Variants in DENND1B observed in about 807,000 individuals in gnomAD.
The protein encoded by DENND1B is DENN domain containing 1B.
DENND1B carries 59 observed loss-of-function variants against 90.1 expected under a neutral mutation model. The observed-to-expected ratio is 0.65, with a 90% CI of 0.53 to 0.81. The LOEUF is 0.81. DENND1B is among the 40% of genes least tolerant of loss of function. The pLI is 0.00. For synonymous variants in DENND1B, 337 were observed against 324.6 expected, an observed-to-expected ratio of 1.04 and a Z score of -0.41; for missense variants, 862 against 912.6, an observed-to-expected ratio of 0.94 and a Z score of 0.71.
chr1:197,544,929 GAA>G (rs1482874593), intron 18 of DENND1B, among the ~76,000 whole-genome samples: 5 of 55,062 alleles, frequency 9.1e-5, no homozygotes, highest in African/African-American at 3.2e-4. Flanking sequence ...GAAGAAAAGA[GAA>G]GAAGAAGAAG....
At chr1:197,537,234 G>A (rs902197155) in intron 20 of DENND1B, among the ~76,000 whole-genome samples, 1 of 152,088 alleles carries the variant, frequency 6.6e-6, no homozygotes, top group Non-Finnish European at 1.5e-5. Flanking sequence ...AAACATGTAT[G>A]TTTAATCAAT....
chr1:197,774,234 T>C (rs1017864092), intron 1 of DENND1B, among the ~76,000 whole-genome samples: 1 of 152,232 alleles, frequency 6.6e-6, no homozygotes. Context: ...CCTAATATTC[T>C]TTAGAATTTC....
chr1:197,631,446 A>T (rs757781439), intron 10 of DENND1B, among the ~76,000 whole-genome samples: 3 of 152,080 alleles, frequency 2.0e-5, no homozygotes, highest in Non-Finnish European at 2.9e-5. Context: ...CTCTAATTTT[A>T]GAAGGTATTA....
intron 15 of DENND1B, among the ~76,000 whole-genome samples, chr1:197,557,463 C>T (rs1671807243): frequency 6.6e-6 from 1 of 151,814 alleles, no homozygotes; most frequent in African/African-American, 2.4e-5. Context: ...ACTGATTATG[C>T]ATTTTTGAGT....
intron 2 of DENND1B, among the ~76,000 whole-genome samples, chr1:197,719,993 C>T (rs1661006342): frequency 6.6e-6 from 1 of 152,108 alleles, no homozygotes; most frequent in Non-Finnish European, 1.5e-5. Context: ...ATGAATAACA[C>T]AATGCTTTCT....
chr1:197,636,844 G>A (rs1203085863), intron 10 of DENND1B, among the ~76,000 whole-genome samples: 1 of 152,062 alleles, frequency 6.6e-6, no homozygotes, highest in South Asian at 2.1e-4. Context: ...GATGTAGGTG[G>A]GGAAAACAGA....
intron 15 of DENND1B, among the ~76,000 whole-genome samples, chr1:197,565,860 G>A (rs921138084): frequency 1.3e-5 from 2 of 148,974 alleles, no homozygotes; most frequent in Admixed American, 6.7e-5. Context: ...TGGTGTATAT[G>A]TGCCACATTT....
chr1:197,677,912 T>G (rs1192761870), intron 3 of DENND1B, among the ~76,000 whole-genome samples: 1 of 152,200 alleles, frequency 6.6e-6, no homozygotes, highest in Non-Finnish European at 1.5e-5. Context: ...CAGCTATCTC[T>G]ACTCATGATC....
chr1:197,756,364 C>A (rs1654286816), intron 2 of DENND1B, among the ~76,000 whole-genome samples: 1 of 152,056 alleles, frequency 6.6e-6, no homozygotes, highest in Non-Finnish European at 1.5e-5. Context: ...CACTTGAGGT[C>A]AGGAGTTCAA....
At chr1:197,568,071 G>T (rs1672839083) in intron 15 of DENND1B, among the ~76,000 whole-genome samples, 1 of 150,588 alleles carries the variant, frequency 6.6e-6, no homozygotes, top group Non-Finnish European at 1.5e-5. Flanking sequence ...AGGGAGGGAG[G>T]GAAATTGTTT....
intron 3 of DENND1B, among the ~76,000 whole-genome samples, chr1:197,685,278 T>C (rs1291822581): frequency 2.0e-5 from 3 of 152,198 alleles, no homozygotes; most frequent in East Asian, 1.9e-4. Flanking sequence ...GACTATTTCA[T>C]CTTAAGCTCA....
At chr1:197,593,819 A>G (rs1470830986) in intron 14 of DENND1B, among the ~76,000 whole-genome samples, 2 of 152,150 alleles carry the variant, frequency 1.3e-5, no homozygotes, top group Non-Finnish European at 2.9e-5. Flanking sequence ...AAGTAAAGTG[A>G]TATTTTTAAC....
intron 6 of DENND1B, among the ~76,000 whole-genome samples, chr1:197,657,122 A>G (rs1325096752): frequency 6.6e-6 from 1 of 152,180 alleles, no homozygotes; most frequent in Admixed American, 6.5e-5. Context: ...CAAAAGAACA[A>G]AAAGGCAGGC....
Position 197,730,809 on chromosome 1 carries a change from T to C in DENND1B, c.83-15735A>G, listed in dbSNP as rs184899952. 3.3e-5 allele frequency among the ~76,000 whole-genome samples: 5 copies of C among 152,154 alleles called. No homozygotes were observed. The East Asian group carries it at 5.8e-4, about 18-fold the overall frequency. On this transcript the variant is annotated intron_variant, in intron 2 of 22. Transcript: ENST00000620048. ...ATTATTAAACCTGTTTCCTTGACCTTAAGAACTTTTAAAAAAATAAGTTAG... is the reference window on the plus strand; with the variant it reads ...ATTATTAAACCTGTTTCCTTGACCTCAAGAACTTTTAAAAAAATAAGTTAG...
chr1:197,586,108 A>G (rs1340021016), intron 14 of DENND1B, among the ~76,000 whole-genome samples: 2 of 152,184 alleles, frequency 1.3e-5, no homozygotes, highest in Non-Finnish European at 2.9e-5. Flanking sequence ...TTTTCATAAT[A>G]ATGTAAGTCA....
At chr1:197,606,593 A>G (rs968750200) in intron 13 of DENND1B, 1 of 151,380 alleles carries the variant, frequency 6.6e-6, no homozygotes, top group Non-Finnish European at 1.5e-5. Flanking sequence ...TCTGACCCCA[A>G]CTGTACAAGC....
chr1:197,607,612 TAA>T (rs1452758472), intron 12 of DENND1B, among the ~76,000 whole-genome samples: 2 of 150,706 alleles, frequency 1.3e-5, no homozygotes, highest in Non-Finnish European at 3.0e-5. Flanking sequence ...AACTATAATT[TAA>T]ATTTTTTGTC....
intron 7 of DENND1B, among the ~76,000 whole-genome samples, chr1:197,651,846 G>A (rs1201721434): frequency 6.6e-6 from 1 of 151,422 alleles, no homozygotes; most frequent in African/African-American, 2.4e-5. Context: ...TAGTAGAGAT[G>A]GGGTTTCACC....
At chr1:197,762,174 AAATCCAATAAAC>A (rs1655137834) in intron 2 of DENND1B, among the ~76,000 whole-genome samples, 2 of 152,240 alleles carry the variant, frequency 1.3e-5, no homozygotes, top group Admixed American at 6.5e-5. Context: ...TAAAAGCCTG[AAATCCAATAAAC>A]AACATAAATC....
Sources: gnomAD v4.1 joint callset for allele counts (sites outside exome capture counted in the v4.1 genomes callset) on GRCh38, gnomAD v4.1.1 for gene constraint, MANE v1.5 for transcripts, NCBI Gene and HGNC (gene_info 2026-07-23, HGNC 2026-07-21) for gene names.